CDC5L: variants seen among roughly 807,000 people sequenced by gnomAD.
CDC5L encodes the protein cell division cycle 5 like.
A neutral mutation model predicts 104.1 loss-of-function variants in CDC5L; 18 were observed. The ratio of observed to expected loss-of-function variants is 0.17; its 90% CI spans 0.12 to 0.26. The LOEUF is 0.26. Among genes scored for constraint, CDC5L ranks in the 10% least tolerant of loss-of-function variants. The pLI, the probability that CDC5L is intolerant of heterozygous loss-of-function variation, is 1.00. For synonymous variants in CDC5L, 331 were observed against 322.7 expected (o/e 1.03, Z -0.28); for missense variants, 673 against 956.9 (o/e 0.70, Z 3.91).
At position 44,393,573 on chromosome 6, in the gene CDC5L, G is replaced by C; in HGVS notation, c.439G>C (p.Asp147His). 2 of 1,612,322 alleles carry C rather than the reference G, an allele frequency of 1.2e-6. No homozygotes were observed. The highest frequency in any genetic ancestry group is 1.7e-6 in the Non-Finnish European group (2 of 1,179,216). ...ARPDPIDMDE[D>H]ELEMLSEARA... is the part of the protein sequence containing the mutation. ...GCCTGATCCAATTGATATGGATGAG[G>C]GTAAGTGTATGCTTTGAGGAATTTA... The change falls in exon 4 of 16, where the codon GAT becomes CAT. Residue 147 changes from aspartate to histidine, a missense_variant and splice_region_variant. Coordinates refer to ENST00000371477, the MANE Select transcript of CDC5L (RefSeq NM_001253.4).
intron 8 of CDC5L, among the ~76,000 whole-genome samples, chr6:44,414,807 T>C (rs998949780): frequency 1.3e-5 from 2 of 152,236 alleles, no homozygotes; most frequent in Non-Finnish European, 2.9e-5. Flanking sequence ...TTAGCTATCT[T>C]TTTCTTTTTT....
intron 8 of CDC5L, among the ~76,000 whole-genome samples, chr6:44,412,422 C>T (rs61661983): frequency 0.017 from 2,606 of 151,520 alleles, 81 homozygotes; most frequent in African/African-American, 0.058. Flanking sequence ...GACAGGGTTT[C>T]GCCATATTGC....
chr6:44,431,510 A>G (rs1792684658), intron 14 of CDC5L, among the ~76,000 whole-genome samples: 1 of 152,198 alleles, frequency 6.6e-6, no homozygotes. Flanking sequence ...TTATTTATAT[A>G]TAAATACTTA....
intron 8 of CDC5L, among the ~76,000 whole-genome samples, chr6:44,417,692 T>C (rs1791967715): frequency 6.6e-6 from 1 of 152,142 alleles, no homozygotes; most frequent in African/African-American, 2.4e-5. Flanking sequence ...GAGAACATGG[T>C]CAGTTCTGCC....
intron 14 of CDC5L, among the ~76,000 whole-genome samples, chr6:44,432,892 A>G (rs6927345): frequency 0.014 from 2,147 of 152,306 alleles, 21 homozygotes; most frequent in Middle Eastern, 0.034. Flanking sequence ...AAGGAAAGGA[A>G]AAGTTATGAG....
rs1249435528 is a variant in CDC5L, at chr6:44,450,153, C to T, written c.*3442C>T. On this transcript the variant is annotated 3_prime_UTR_variant, in exon 16 of 16. Transcript: ENST00000371477. ...TGCTAGAATTACAGGTGTGAGCCACCATGCCCAGCCTGGTTATTGTATTTT... is the reference window on the plus strand; with the variant it reads ...TGCTAGAATTACAGGTGTGAGCCACTATGCCCAGCCTGGTTATTGTATTTT... 1.3e-5 allele frequency: 2 copies of T among 152,192 alleles called. No homozygotes were observed. The highest frequency in any genetic ancestry group is 1.3e-4 in the Admixed American group (2 of 15,276). 9.4% of individuals were successfully genotyped at this position (152,192 alleles called of 1,614,324 possible).
chr6:44,387,997 C>A, intron 1 of CDC5L, 129 bp downstream of exon 1: 1 of 757,584 alleles, frequency 1.3e-6, no homozygotes, highest in Non-Finnish European at 2.1e-6. Context: ...CGGGGGCTGA[C>A]CCTTGGGGCC....
chr6:44,441,381 C>T (rs529295965), intron 14 of CDC5L, among the ~76,000 whole-genome samples: 11 of 152,212 alleles, frequency 7.2e-5, no homozygotes, highest in South Asian at 6.2e-4. Context: ...TTTAAAAATC[C>T]GTGTCTTGGC....
In CDC5L at chr6:44,418,583, C is replaced by T. The variant is rs867704495; in HGVS notation, c.1093-866C>T. ...TGAGGAATCGCCACACTGACTTCCA[C>T]AATGGTTGAACTAGTTTACAGTCCC... On this transcript the variant is annotated intron_variant, in intron 8 of 15. Transcript: ENST00000371477. 3.5e-3 allele frequency among the ~76,000 whole-genome samples: 527 copies of T among 152,284 alleles called. 5 individuals are homozygous for T. In the Middle Eastern group the frequency reaches 0.048, roughly 14 times the overall value.
chr6:44,403,343 A>AC (rs930240159), intron 5 of CDC5L, among the ~76,000 whole-genome samples: 5 of 151,634 alleles, frequency 3.3e-5, no homozygotes, highest in South Asian at 2.1e-4. Flanking sequence ...AAAAAAAAAA[A>AC]AACTTTGCTT....
chr6:44,412,811 C>T, intron 8 of CDC5L, among the ~76,000 whole-genome samples: 1 of 109,262 alleles, frequency 9.2e-6, no homozygotes, highest in African/African-American at 3.6e-5. Flanking sequence ...GAGACGGAGT[C>T]TCGCTCTGTC....
At chr6:44,401,799 C>A (rs1002284266) in intron 5 of CDC5L, among the ~76,000 whole-genome samples, 14 of 151,150 alleles carry the variant, frequency 9.3e-5, no homozygotes, top group Non-Finnish European at 1.5e-4. Flanking sequence ...AGCTATCCCT[C>A]CCCTCTCCCC....
At chr6:44,395,289 G>A (rs1217992762) in intron 4 of CDC5L, among the ~76,000 whole-genome samples, 1 of 152,180 alleles carries the variant, frequency 6.6e-6, no homozygotes, top group Non-Finnish European at 1.5e-5. Context: ...TCAAGGTGAT[G>A]GGTACCCCAG....
At chr6:44,429,983 G>GA (rs769523882) in intron 14 of CDC5L, 73 bp downstream of exon 14, 202 of 1,203,374 alleles carry the variant, frequency 1.7e-4, no homozygotes, top group Non-Finnish European at 2.2e-4. Flanking sequence ...TGCCACTGGA[G>GA]ACAATGTCAG....
At chr6:44,396,471 G>A in intron 5 of CDC5L, 31 bp downstream of exon 5, 2 of 1,385,590 alleles carry the variant, frequency 1.4e-6, no homozygotes, top group Non-Finnish European at 2.0e-6. Context: ...AAAAAGCAAA[G>A]TGTTTTTCTC....
intron 14 of CDC5L, among the ~76,000 whole-genome samples, chr6:44,436,964 T>G (rs1792967829): frequency 6.6e-6 from 1 of 152,240 alleles, no homozygotes; most frequent in Non-Finnish European, 1.5e-5. Context: ...TATTAGAAAT[T>G]TTTTGTCAGT....
At chr6:44,395,768 T>A (rs75476846) in intron 4 of CDC5L, among the ~76,000 whole-genome samples, 451 of 152,286 alleles carry the variant, frequency 3.0e-3, no homozygotes, top group Middle Eastern at 0.014. Context: ...TCCCATGTGA[T>A]TTAGTTGGAC....
intron 13 of CDC5L, among the ~76,000 whole-genome samples, chr6:44,428,126 C>G (rs1424267103): frequency 1.3e-5 from 2 of 152,136 alleles, no homozygotes; most frequent in South Asian, 4.1e-4. Flanking sequence ...ATTATAAGAT[C>G]TGAACTTGTA....
chr6:44,426,683 C>T lies in CDC5L; in HGVS notation c.1852C>T (p.His618Tyr). ...NNSEHITYLE[H>Y]NPYEKFSKEE... is the part of the protein sequence containing the mutation. ...TTCAGAGCACATTACCTATCTGGAA[C>T]ATAATCCTTATGAAAAGTTCTCCAA... The change falls in exon 13 of 16, where the codon CAT becomes TAT. Residue 618 changes from histidine (H) to tyrosine (Y), a missense_variant. Physicochemically the swap from His to Tyr is moderately conservative, Grantham distance 83. This residue lies in a region of CDC5L where 578 missense variants were observed against 737.0 expected (regional missense o/e 0.78). Coordinates refer to ENST00000371477, the MANE Select transcript of CDC5L (RefSeq NM_001253.4). The T allele has an allele frequency of 6.2e-7, 1 of 1,612,666 alleles. No individual in the cohort carries two copies. The highest frequency in any genetic ancestry group is 8.5e-7 in the Non-Finnish European group (1 of 1,179,054).
Sources: allele counts gnomAD v4.1 joint callset (sites outside exome capture counted in the v4.1 genomes callset), GRCh38; gene constraint gnomAD v4.1.1; regional missense constraint gnomAD v4.1.1; transcripts MANE v1.5; gene names NCBI Gene and HGNC (gene_info 2026-07-23, HGNC 2026-07-21).